The following DLG2 variants were observed in gnomAD, a reference collection of about 807,000 sequenced individuals.
DLG2 encodes discs large MAGUK scaffold protein 2, also known as disks large homolog 2.
In DLG2, 45 loss-of-function variants were observed where a neutral mutation model predicts 132.5. That is an observed-to-expected ratio of 0.34 (90% CI 0.27 to 0.44). The LOEUF (loss-of-function observed/expected upper bound fraction) is 0.44, where lower values mean the gene tolerates loss of function less well. Ranked by LOEUF, DLG2 falls within the 20% of genes least tolerant of loss-of-function variation. The pLI, the probability that DLG2 is intolerant of heterozygous loss-of-function variation, is 1.00. For synonymous variants in DLG2, 424 were observed against 419.6 expected, an observed-to-expected ratio of 1.01 and a Z score of -0.13; for missense variants, 1,045 against 1,196.9, an observed-to-expected ratio of 0.87 and a Z score of 1.87.
At chr11:85,063,866 C>T (rs1366086756) in intron 6 of DLG2, among the ~76,000 whole-genome samples, 1 of 151,670 alleles carries the variant, frequency 6.6e-6, no homozygotes, top group African/African-American at 2.4e-5. Flanking sequence ...ATTTATTAAC[C>T]ATCTATTATA....
chr11:84,168,413 T>C (rs2095723893), intron 8 of DLG2, among the ~76,000 whole-genome samples: 1 of 152,232 alleles, frequency 6.6e-6, no homozygotes, highest in African/African-American at 2.4e-5. Context: ...CCTCTGATTA[T>C]TATTGTTTTA....
chr11:84,182,606 G>A lies in DLG2; in HGVS notation c.574-19095C>T, dbSNP rs193133752. Among the ~76,000 whole-genome samples the A allele has an allele frequency of 3.1e-3, 469 of 152,218 alleles. 1 individual carries two copies. The highest frequency in any genetic ancestry group is 4.9e-3 in the Non-Finnish European group (330 of 68,022). ...ATTAATAAGCTTCAGTAAAAGCAGT[G>A]TTTAGAGGGAAATTCATAGCATCGA... On this transcript the variant is annotated intron_variant, in intron 8 of 27. Transcript: ENST00000376104.
chr11:84,760,309 C>T (rs917183273), intron 6 of DLG2, among the ~76,000 whole-genome samples: 9 of 152,178 alleles, frequency 5.9e-5, no homozygotes, highest in African/African-American at 2.2e-4. Context: ...CGGCTTTAGC[C>T]TTCTGAGTCT....
intron 6 of DLG2, among the ~76,000 whole-genome samples, chr11:84,823,968 A>C (rs2078026189): frequency 6.6e-6 from 1 of 151,964 alleles, no homozygotes; most frequent in Non-Finnish European, 1.5e-5. Context: ...TGTTCTAGGC[A>C]TTGTGAGAAG....
chr11:85,084,047 T>C (rs935247825), intron 6 of DLG2, among the ~76,000 whole-genome samples: 2 of 152,030 alleles, frequency 1.3e-5, no homozygotes, highest in Non-Finnish European at 2.9e-5. Context: ...AGACACAGAA[T>C]TGGAGTACAG....
At chr11:85,244,297 G>C (rs1457505312) in intron 4 of DLG2, among the ~76,000 whole-genome samples, 1 of 151,934 alleles carries the variant, frequency 6.6e-6, no homozygotes, top group African/African-American at 2.4e-5. Flanking sequence ...TAAATATTCA[G>C]TCATCATTGG....
At chr11:83,997,418 G>C (rs2094100768) in intron 11 of DLG2, among the ~76,000 whole-genome samples, 3 of 151,898 alleles carry the variant, frequency 2.0e-5, no homozygotes, top group Non-Finnish European at 4.4e-5. Context: ...CCTTTAACTT[G>C]GCCTGATAAA....
intron 6 of DLG2, among the ~76,000 whole-genome samples, chr11:84,535,965 A>ATATATATATATATATATATATATATAT (rs1209865425): frequency 5.3e-5 from 8 of 151,348 alleles, no homozygotes; most frequent in Admixed American, 1.3e-4. Context: ...ATATATATAT[A>ATATATATATATATATATATATATATAT]AAACTTCTAG....
chr11:83,934,806 T>C (rs2081102161), intron 14 of DLG2, among the ~76,000 whole-genome samples: 1 of 152,348 alleles, frequency 6.6e-6, no homozygotes, highest in East Asian at 1.9e-4. Flanking sequence ...CTCATGTGTC[T>C]TTGTTTCCCC....
At chr11:85,367,634 T>C (rs2084658025) in intron 3 of DLG2, among the ~76,000 whole-genome samples, 1 of 152,276 alleles carries the variant, frequency 6.6e-6, no homozygotes, top group Non-Finnish European at 1.5e-5. Flanking sequence ...TTACTAAACA[T>C]TGTGTGTGTC....
rs755347618 is a variant in DLG2 at position 85,154,671 on chromosome 11, A to C, written c.187-20T>G. 7 of 1,163,808 alleles carry C rather than the reference A, an allele frequency of 6.0e-6. 1 individual carries two copies. In the South Asian group the frequency reaches 8.4e-5, roughly 14 times the overall value. The allele number at this position is 1,163,808 out of a possible 1,614,324, so 72.1% of individuals were successfully genotyped here. A position where few individuals can be genotyped will look rare whatever the true frequency, so the allele number is the denominator to read the frequency against. ...TGTAAGCTAAAATAAAAGTTTAAAA[A>C]ATCAATACTCCTTTTTTATTTTCTG... On this transcript the variant is annotated intron_variant, in intron 4 of 27. Transcript: ENST00000376104.
intron 7 of DLG2, among the ~76,000 whole-genome samples, chr11:84,453,522 G>C (rs1418744702): frequency 6.6e-6 from 1 of 151,544 alleles, no homozygotes; most frequent in African/African-American, 2.4e-5. Context: ...GTTTGTTGGA[G>C]TTAAGGTTCC....
intron 3 of DLG2, among the ~76,000 whole-genome samples, chr11:85,433,161 A>G (rs1192123025): frequency 6.6e-6 from 1 of 152,210 alleles, no homozygotes. Context: ...AAAGCTCCTG[A>G]AGGAAGCATC....
intron 18 of DLG2, chr11:83,681,979 G>C (rs1221818694): frequency 4.4e-6 from 1 of 224,732 alleles, no homozygotes; most frequent in Non-Finnish European, 7.4e-6. Context: ...GTGAATAATT[G>C]ATTCATCGGC....
intron 20 of DLG2, 45 bp downstream of exon 20, chr11:83,541,637 T>C (rs776157083): frequency 6.7e-7 from 1 of 1,492,490 alleles, no homozygotes; most frequent in East Asian, 2.5e-5. Flanking sequence ...CTCCACTCGC[T>C]GGATAGCTGA....
chr11:85,527,143 T>C (rs1170257805), intron 3 of DLG2, among the ~76,000 whole-genome samples: 2 of 151,942 alleles, frequency 1.3e-5, no homozygotes, highest in African/African-American at 4.8e-5. Flanking sequence ...TTGGGGTTTT[T>C]TGTTTGTTTG....
chr11:83,718,532 GAA>G (rs57237354), intron 18 of DLG2, among the ~76,000 whole-genome samples: 4 of 106,300 alleles, frequency 3.8e-5, no homozygotes, highest in Admixed American at 1.2e-4. Context: ...CTCAAAAAAA[GAA>G]AAAAAAAAAA....
At chr11:85,482,792 A>T (rs1454180347) in intron 3 of DLG2, among the ~76,000 whole-genome samples, 1 of 152,012 alleles carries the variant, frequency 6.6e-6, no homozygotes, top group Non-Finnish European at 1.5e-5. Flanking sequence ...GACTCTAGAA[A>T]ACCCAGAGTC....
intron 6 of DLG2, among the ~76,000 whole-genome samples, chr11:84,714,622 TTTCTCTCTC>T (rs2060949782): frequency 8.7e-6 from 1 of 115,158 alleles, no homozygotes; most frequent in African/African-American, 4.1e-5. Flanking sequence ...TCTCTTTCTC[TTTCTCTCTC>T]TCTCTCTCTC....
Sources: allele counts gnomAD v4.1 joint callset (sites outside exome capture counted in the v4.1 genomes callset), GRCh38; gene constraint gnomAD v4.1.1; transcripts MANE v1.5; gene names NCBI Gene and HGNC (gene_info 2026-07-23, HGNC 2026-07-21).